Variants in FAM193B observed in about 807,000 individuals in gnomAD.
The protein encoded by FAM193B is family with sequence similarity 193 member B, also known as protein FAM193B.
A neutral mutation model predicts 70.7 loss-of-function variants in FAM193B; 27 were observed. The observed-to-expected ratio is 0.38, with a 90% CI of 0.28 to 0.53. The LOEUF (loss-of-function observed/expected upper bound fraction) is 0.53, where lower values mean the gene tolerates loss of function less well. FAM193B is among the 20% of genes least tolerant of loss of function. The pLI, the probability that FAM193B is intolerant of heterozygous loss-of-function variation, is 0.81. For synonymous variants in FAM193B, 448 were observed against 436.0 expected (o/e 1.03, Z -0.34); for missense variants, 1,022 against 1,072.5 (o/e 0.95, Z 0.66).
rs1216100346 is a variant in FAM193B at position 177,524,676 on chromosome 5, G to C, written c.1805C>G (p.Pro602Arg). Residue 602 changes from proline (P) to arginine (R), a missense_variant, in exon 6 of 9, where the codon CCC becomes CGC. Pro to Arg is a moderately radical substitution (Grantham distance 103). Coordinates refer to ENST00000514747, the MANE Select transcript of FAM193B (RefSeq NM_001190946.3). ...NLSRVIWVKT[P>R]KPGYPSSEEP... ...CTCGGAGCTGGGGTAGCCCGGCTTG[G>C]GTGTCTTGACCCAGATCACCCGGGA... The C allele has an allele frequency of 3.7e-6, 6 of 1,610,914 alleles. No individual in the cohort carries two copies. The highest frequency in any genetic ancestry group is 5.1e-6 in the Non-Finnish European group (6 of 1,178,752).
intron 5 of FAM193B, among the ~76,000 whole-genome samples, chr5:177,530,529 G>T (rs1316940529): frequency 1.3e-5 from 2 of 152,132 alleles, no homozygotes; most frequent in Admixed American, 6.5e-5. Context: ...CTCTCCCTTG[G>T]CCTGCGTTTC....
rs1300795841 is a variant in FAM193B at position 177,532,002 on chromosome 5, C to T, written c.1275+441G>A. On this transcript the variant is annotated intron_variant, in intron 5 of 8. Coordinates refer to ENST00000514747, the MANE Select transcript of FAM193B (RefSeq NM_001190946.3). The surrounding 1 kb of genome is among the most constrained non-coding windows in gnomAD (Gnocchi z 4.9). ...CTCCCCCTGGCCAGAGCCAGCATGC[C>T]CTCTGATCTGAGCCTCCTTCCTGGC... is the stretch of plus-strand genomic sequence containing the variant. The T allele has an allele frequency of 1.5e-5, 20 of 1,291,034 alleles. No homozygotes were observed. In the South Asian group the frequency reaches 2.5e-4, roughly 16 times the overall value. The allele number at this position is 1,291,034 out of a possible 1,614,324, so 80.0% of individuals were successfully genotyped here.
chr5:177,531,542 C>A, intron 5 of FAM193B: 3 of 1,277,120 alleles, frequency 2.3e-6, no homozygotes, highest in South Asian at 1.3e-5. Context: ...GGGGGAGGTG[C>A]TGACATTACA....
chr5:177,546,634 A>G lies in FAM193B; in HGVS notation c.211-7487T>C, dbSNP rs1210294364. On this transcript the variant is annotated intron_variant, in intron 1 of 8. Coordinates refer to ENST00000514747, the MANE Select transcript of FAM193B (RefSeq NM_001190946.3). ...AATCAGAGCTGCAGTTAATTCTAAG[A>G]GAGCTGACACAACCCCACCTCAGTG... 4.6e-5 allele frequency among the ~76,000 whole-genome samples: 7 copies of G among 152,332 alleles called. No individual in the cohort carries two copies. The South Asian group carries it at 1.0e-3, about 23-fold the overall frequency.
At chr5:177,540,115 G>C (rs1458465846) in intron 1 of FAM193B, among the ~76,000 whole-genome samples, 1 of 151,920 alleles carries the variant, frequency 6.6e-6, no homozygotes, top group Non-Finnish European at 1.5e-5. Context: ...AACCATCCTG[G>C]CTAACACAGT....
rs1423745927 is a variant in FAM193B, at chr5:177,552,050, CCTTTT to C, written c.210+2194_210+2198del. 267 of 985,256 alleles carry C rather than the reference CCTTTT, an allele frequency of 2.7e-4. 1 individual carries two copies. The highest frequency in any genetic ancestry group is 2.8e-4 in the Non-Finnish European group (230 of 829,892). 61.0% of individuals were successfully genotyped at this position (985,256 alleles called of 1,614,324 possible). ...AAAATCCCCCAAAGTACCTAAAAGT[CCTTTT>C]CTTTTCTTTTGTCTGACACCTACAG... On this transcript the variant is annotated intron_variant, in intron 1 of 8. Coordinates refer to ENST00000514747, the MANE Select transcript of FAM193B (RefSeq NM_001190946.3).
Position 177,536,364 on chromosome 5 carries a change from G to C in FAM193B, c.1070C>G (p.Thr357Ser). 1 of 1,609,272 alleles carries C rather than the reference G, an allele frequency of 6.2e-7. No homozygotes were observed. Among genetic ancestry groups the C allele is most frequent in the East Asian group, 2.2e-5 (1 of 44,544 alleles). The change falls in exon 4 of 9, where the codon ACT becomes AGT. Residue 357 changes from threonine to serine, a missense_variant. Physicochemically the swap from Thr to Ser is moderately conservative, Grantham distance 58. Transcript: ENST00000514747. ...CTTCATGCAGCACACTTACCTGTGAGTGCTAGGGAGTGGCTGAGAGCTCGG... is the reference window on the plus strand; with the variant it reads ...CTTCATGCAGCACACTTACCTGTGACTGCTAGGGAGTGGCTGAGAGCTCGG... ...PPPSSQPLPS[T>S]HRDPGCKGHK...
chr5:177,532,749 A>G lies in FAM193B; in HGVS notation c.1077-108T>C, dbSNP rs939806449. On this transcript the variant is annotated intron_variant, in intron 4 of 8. Coordinates refer to ENST00000514747, the MANE Select transcript of FAM193B (RefSeq NM_001190946.3). This position sits in a 1 kb window ranked among gnomAD's most constrained non-coding sequence, Gnocchi z 4.9. ...GACCGCCCTTCACTTGCCCCACTCCACAGAGGTCCCAGGTGGTCCAACTAC... is the reference window on the plus strand; with the variant it reads ...GACCGCCCTTCACTTGCCCCACTCCGCAGAGGTCCCAGGTGGTCCAACTAC... 19 of 1,086,560 alleles carry G rather than the reference A, an allele frequency of 1.7e-5. No homozygotes were observed. The highest frequency in any genetic ancestry group is 2.4e-5 in the Non-Finnish European group (19 of 795,140). The allele number at this position is 1,086,560 out of a possible 1,614,324, so 67.3% of individuals were successfully genotyped here.
chr5:177,552,724 CG>C (rs1181941673), intron 1 of FAM193B, among the ~76,000 whole-genome samples: 1 of 152,166 alleles, frequency 6.6e-6, no homozygotes, highest in East Asian at 1.9e-4. Context: ...GAGTCTCCTA[CG>C]GAAGTGTCAG....
rs549633999 is a variant in FAM193B, at chr5:177,524,589, C to T, written c.1892G>A (p.Gly631Asp). Residue 631 changes from glycine to aspartate, a missense_variant, in exon 6 of 9, where the codon GGT becomes GAT. By Grantham distance (94) the Gly-to-Asp change is moderately conservative. Transcript: ENST00000514747. ...CCTCTTGCCCTTCTGTGGCTTCCCA[C>T]CTGAGGACACAGGCTCAGGCAGCTC... ...KQELPEPVSS[G>D]GKPQKGKRQG... is the part of the protein sequence containing the mutation. 1.2e-6 allele frequency: 2 copies of T among 1,611,162 alleles called. No homozygotes were observed. The highest frequency in any genetic ancestry group is 2.7e-5 in the African/African-American group (2 of 75,014).
chr5:177,538,210 C>A lies in FAM193B; in HGVS notation c.454-103G>T, dbSNP rs1423279230. ...TGAGGGAGCTCCTTCTCCTCCAGAC[C>A]ATGTGCCATAGCAAAAACACAATTA... On this transcript the variant is annotated intron_variant, in intron 2 of 8. Coordinates refer to ENST00000514747, the MANE Select transcript of FAM193B (RefSeq NM_001190946.3). This position sits in a 1 kb window ranked among gnomAD's most constrained non-coding sequence, Gnocchi z 4.1. 5 of 1,206,496 alleles carry A rather than the reference C, an allele frequency of 4.1e-6. No individual in the cohort carries two copies. In the Admixed American group the frequency reaches 8.5e-5, roughly 21 times the overall value. The allele number at this position is 1,206,496 out of a possible 1,614,324, so 74.7% of individuals were successfully genotyped here.
At chr5:177,530,357 A>G (rs192237123) in intron 5 of FAM193B, among the ~76,000 whole-genome samples, 1 of 152,160 alleles carries the variant, frequency 6.6e-6, no homozygotes, top group Non-Finnish European at 1.5e-5. Context: ...TGCAAATCCC[A>G]TCCTGGCTCA....
At chr5:177,551,430 G>A (rs989559929) in intron 1 of FAM193B, among the ~76,000 whole-genome samples, 1 of 152,168 alleles carries the variant, frequency 6.6e-6, no homozygotes, top group Non-Finnish European at 1.5e-5. Context: ...TAAACTCAAG[G>A]TCCTGCTTTA....
rs561591063 is a variant in FAM193B, at chr5:177,525,092, T to C, written c.1389A>G (p.Glu463=). The C allele has an allele frequency of 1.3e-6, 2 of 1,593,260 alleles. No individual in the cohort carries two copies. Among genetic ancestry groups the C allele is most frequent in the Non-Finnish European group, 8.5e-7 (1 of 1,170,782 alleles). The part of the protein sequence containing the change: ...RERLLEWPDR[E]LDRVNSFLSS... Reference sequence around the variant, plus strand: ...TCAGGAAGCTGTTGACCCGATCCAGTTCCCGGTCGGGCCACTCCAAGAGCC... The same window carrying C: ...TCAGGAAGCTGTTGACCCGATCCAGCTCCCGGTCGGGCCACTCCAAGAGCC... Residue 463 remains glutamate (E), a synonymous_variant, in exon 6 of 9, where the codon GAA becomes GAG. Transcript: ENST00000514747.
At chr5:177,546,358 G>A (rs189960997) in intron 1 of FAM193B, among the ~76,000 whole-genome samples, 2 of 152,242 alleles carry the variant, frequency 1.3e-5, no homozygotes, top group African/African-American at 4.8e-5. Flanking sequence ...TCTGGGGGCA[G>A]TGTGTGGACC....
intron 1 of FAM193B, chr5:177,547,302 T>TTTTTTTTTTA (rs58258777): frequency 7.1e-6 from 1 of 141,450 alleles, no homozygotes; most frequent in Non-Finnish European, 1.5e-5. Context: ...TTTTTTTTTT[T>TTTTTTTTTTA]GAGACGGAGT....
chr5:177,531,730 G>A, intron 5 of FAM193B: 1 of 619,386 alleles, frequency 1.6e-6, no homozygotes, highest in Non-Finnish European at 2.4e-6. Flanking sequence ...GCAGAGCTGG[G>A]CAAACACTGA....
intron 3 of FAM193B, among the ~76,000 whole-genome samples, chr5:177,537,283 G>T (rs550071785): frequency 6.6e-6 from 1 of 152,318 alleles, no homozygotes; most frequent in South Asian, 2.1e-4. Flanking sequence ...CCACTTTGAA[G>T]AACTCAGCTC....
intron 1 of FAM193B, among the ~76,000 whole-genome samples, chr5:177,551,269 ATTT>A (rs33979381): frequency 1.3e-5 from 2 of 151,168 alleles, no homozygotes; most frequent in African/African-American, 4.9e-5. Flanking sequence ...GTTGTTCTTT[ATTT>A]TTTTTTTTGT....
Sources: gnomAD v4.1 joint callset for allele counts (sites outside exome capture counted in the v4.1 genomes callset) on GRCh38, gnomAD v4.1.1 for gene constraint, Gnocchi (gnomAD v3.1) non-coding constraint, MANE v1.5 for transcripts, NCBI Gene and HGNC (gene_info 2026-07-23, HGNC 2026-07-21) for gene names.